MTNR1A: variants seen among roughly 807,000 people sequenced by gnomAD.
The protein encoded by MTNR1A is melatonin receptor 1A, also known as melatonin receptor type 1A.
Under a neutral mutation model 5.5 loss-of-function variants are expected in MTNR1A, and 7 were observed. That is an observed-to-expected ratio of 1.28 (90% CI 0.73 to 2.40). The LOEUF is 2.40. Among genes scored for constraint, MTNR1A ranks in the 30% most tolerant of loss-of-function variants. MTNR1A has a pLI of 0.00. For synonymous variants in MTNR1A, 196 were observed against 202.7 expected, an observed-to-expected ratio of 0.97 and a Z score of 0.28; for missense variants, 441 against 464.4, an observed-to-expected ratio of 0.95 and a Z score of 0.46.
intron 1 of MTNR1A, among the ~76,000 whole-genome samples, chr4:186,547,245 T>C (rs1186084878): frequency 1.2e-5 from 1 of 84,536 alleles, no homozygotes; most frequent in African/African-American, 4.8e-5. Context: ...GGACACACCG[T>C]CCACACCACA....
At chr4:186,538,226 C>T (rs1284635586) in intron 1 of MTNR1A, among the ~76,000 whole-genome samples, 2 of 152,208 alleles carry the variant, frequency 1.3e-5, no homozygotes, top group Admixed American at 6.5e-5. Context: ...ATATCTTCTC[C>T]CTCCACCTTG....
At chr4:186,538,611 C>G (rs1736932182) in intron 1 of MTNR1A, among the ~76,000 whole-genome samples, 1 of 152,298 alleles carries the variant, frequency 6.6e-6, no homozygotes, top group African/African-American at 2.4e-5. Context: ...TCCTAACATC[C>G]AGCTTTCCTT....
chr4:186,533,797 T>C lies in MTNR1A; in HGVS notation c.945A>G (p.Thr315=), dbSNP rs8192551. 0.047 allele frequency: 75,213 copies of C among 1,614,108 alleles called. 2,214 individuals are homozygous for C. The highest frequency in any genetic ancestry group is 0.11 in the African/African-American group (8,027 of 75,012). ...EYRRIIVSLC[T]ARVFFVDSSN... The stretch of plus-strand genomic sequence containing the variant: ...AGCTGTCCACAAAGAACACCCTGGC[T>C]GTACAGAGCGAGACTATAATTCTCC... The change falls in exon 2 of 2, where the codon ACA becomes ACG. Residue 315 remains threonine, a synonymous_variant. Coordinates refer to ENST00000307161, the MANE Select transcript of MTNR1A (RefSeq NM_005958.4).
intron 1 of MTNR1A, among the ~76,000 whole-genome samples, chr4:186,535,165 T>C (rs1736817779): frequency 6.6e-6 from 1 of 152,124 alleles, no homozygotes; most frequent in Admixed American, 6.5e-5. Context: ...ATGAGCAGCT[T>C]CCTCTTAGGG....
At chr4:186,551,606 T>C (rs1444676840) in intron 1 of MTNR1A, among the ~76,000 whole-genome samples, 1 of 151,966 alleles carries the variant, frequency 6.6e-6, no homozygotes, top group African/African-American at 2.4e-5. Flanking sequence ...GAATGGGTGG[T>C]TGGACGTATA....
intron 1 of MTNR1A, among the ~76,000 whole-genome samples, chr4:186,538,662 A>G (rs2111371201): frequency 6.6e-6 from 1 of 152,304 alleles, no homozygotes; most frequent in East Asian, 1.9e-4. Flanking sequence ...CAGACACAGA[A>G]GCGAAAACCT....
intron 1 of MTNR1A, among the ~76,000 whole-genome samples, chr4:186,548,258 G>C (rs747056665): frequency 2.0e-5 from 3 of 152,032 alleles, no homozygotes; most frequent in Admixed American, 6.5e-5. Context: ...AAATCCAAAA[G>C]AGAGTTTTAT....
In MTNR1A at chr4:186,539,033, A is replaced by G. The variant is rs552832999; in HGVS notation, c.185-4476T>C. On this transcript the variant is annotated intron_variant, in intron 1 of 1. Transcript: ENST00000307161. ...CGAGATCAAGACCATCCTGGCCAAC[A>G]TGGTGAAACCCCATCTCTACTAAAA... is the stretch of plus-strand genomic sequence containing the variant. Among the ~76,000 whole-genome samples, 53 of 152,164 alleles carry G rather than the reference A, an allele frequency of 3.5e-4. 1 individual carries two copies. The South Asian group carries it at 1.0e-2, about 29-fold the overall frequency.
chr4:186,551,323 G>C (rs112350285), intron 1 of MTNR1A, among the ~76,000 whole-genome samples: 100 of 152,028 alleles, frequency 6.6e-4, no homozygotes, highest in African/African-American at 2.2e-3. Flanking sequence ...GAGATTTTGT[G>C]TATTTTGCAT....
chr4:186,534,170 A>G lies in MTNR1A; in HGVS notation c.572T>C (p.Val191Ala). The G allele has an allele frequency of 6.2e-7, 1 of 1,613,410 alleles. No individual in the cohort carries two copies. The highest frequency in any genetic ancestry group is 8.5e-7 in the Non-Finnish European group (1 of 1,179,402). The change falls in exon 2 of 2, where the codon GTG (valine) becomes GCG (alanine). Residue 191 changes from valine (V) to alanine (A), a missense_variant. Coordinates refer to ENST00000307161, the MANE Select transcript of MTNR1A (RefSeq NM_005958.4). ...QSVSSAYTIA[V>A]VVFHFLVPMI... The stretch of plus-strand genomic sequence containing the variant: ...GGGGACGAGGAAGTGGAAAACCACC[A>G]CGGCGATGGTGTAGGCGGAGCTGAC...
intron 1 of MTNR1A, among the ~76,000 whole-genome samples, chr4:186,544,981 CGCCCAGAG>C (rs1248265439): frequency 6.6e-6 from 1 of 152,152 alleles, no homozygotes; most frequent in Non-Finnish European, 1.5e-5. Context: ...ACTGGATTTA[CGCCCAGAG>C]GCCCCAACTT....
At chr4:186,550,287 G>A (rs73024793) in intron 1 of MTNR1A, among the ~76,000 whole-genome samples, 1,800 of 152,246 alleles carry the variant, frequency 0.012, 36 homozygotes, top group African/African-American at 0.041. Context: ...TCATAAAAAC[G>A]CTTCTTTAAC....
intron 1 of MTNR1A, among the ~76,000 whole-genome samples, chr4:186,553,727 G>C (rs556486980): frequency 1.3e-5 from 2 of 152,182 alleles, no homozygotes; most frequent in African/African-American, 4.8e-5. Context: ...TGGCCAGCTG[G>C]TCTCGAACTC....
chr4:186,553,103 A>G (rs774252070), intron 1 of MTNR1A, among the ~76,000 whole-genome samples: 3 of 152,246 alleles, frequency 2.0e-5, no homozygotes, highest in Non-Finnish European at 4.4e-5. Flanking sequence ...ATGCCTTCAC[A>G]TTGTCATTTC....
At chr4:186,539,136 G>C (rs1235917551) in intron 1 of MTNR1A, among the ~76,000 whole-genome samples, 1 of 149,560 alleles carries the variant, frequency 6.7e-6, no homozygotes, top group African/African-American at 2.5e-5. Context: ...AGAATCGCTT[G>C]AACCCAGAAG....
intron 1 of MTNR1A, among the ~76,000 whole-genome samples, chr4:186,546,673 G>GT: frequency 6.6e-6 from 1 of 150,708 alleles, no homozygotes; most frequent in Middle Eastern, 3.4e-3. Context: ...ATCACACCCT[G>GT]TTCATGCCAC....
intron 1 of MTNR1A, among the ~76,000 whole-genome samples, chr4:186,536,980 A>T (rs1366469641): frequency 6.6e-6 from 1 of 152,234 alleles, no homozygotes; most frequent in Non-Finnish European, 1.5e-5. Context: ...ATGATGACAA[A>T]CTGGCCTAAT....
chr4:186,554,185 C>T (rs998125991), intron 1 of MTNR1A, among the ~76,000 whole-genome samples: 4 of 143,002 alleles, frequency 2.8e-5, no homozygotes, highest in African/African-American at 1.0e-4. Flanking sequence ...TTACTAAGTG[C>T]TTAACTAACT....
chr4:186,546,052 C>T (rs1019598527), intron 1 of MTNR1A, among the ~76,000 whole-genome samples: 2 of 152,208 alleles, frequency 1.3e-5, no homozygotes, highest in African/African-American at 2.4e-5. Context: ...CACTTGCTAA[C>T]GTGACCTCAG....
Sources: gnomAD v4.1 joint callset for allele counts (sites outside exome capture counted in the v4.1 genomes callset) on GRCh38, gnomAD v4.1.1 for gene constraint, MANE v1.5 for transcripts, NCBI Gene and HGNC (gene_info 2026-07-23, HGNC 2026-07-21) for gene names.